Variants in TRPM3 observed in about 807,000 individuals in gnomAD.
The protein encoded by TRPM3 is transient receptor potential cation channel subfamily M member 3.
A neutral mutation model predicts 181.2 loss-of-function variants in TRPM3; 77 were observed. That is an observed-to-expected ratio of 0.42 (90% CI 0.35 to 0.51). The LOEUF (loss-of-function observed/expected upper bound fraction) is 0.51. Among genes scored for constraint, TRPM3 ranks in the 20% least tolerant of loss-of-function variants. TRPM3 has a pLI of 0.01. For missense variants in TRPM3, 1,759 were observed against 2,196.7 expected (o/e 0.80, Z 3.98); for synonymous variants, 745 against 796.4 (o/e 0.94, Z 1.09).
chr9:70,907,911 T>A (rs1300795806), intron 1 of TRPM3, among the ~76,000 whole-genome samples: 1 of 152,240 alleles, frequency 6.6e-6, no homozygotes, highest in Non-Finnish European at 1.5e-5. Flanking sequence ...CTGCCTAGTA[T>A]TCCATTGTGT....
intron 1 of TRPM3, among the ~76,000 whole-genome samples, chr9:71,213,489 A>G (rs984406145): frequency 6.6e-6 from 1 of 152,230 alleles, no homozygotes; most frequent in Admixed American, 6.5e-5. Flanking sequence ...TTGGAATGAT[A>G]TCATAAATAG....
chr9:70,916,457 A>G (rs761248744), intron 1 of TRPM3, among the ~76,000 whole-genome samples: 1 of 152,210 alleles, frequency 6.6e-6, no homozygotes, highest in Non-Finnish European at 1.5e-5. Context: ...AGAGTACAGT[A>G]AGGTATAAAT....
chr9:71,127,969 A>C (rs1299327430), intron 1 of TRPM3, among the ~76,000 whole-genome samples: 4 of 152,246 alleles, frequency 2.6e-5, no homozygotes, highest in Admixed American at 6.5e-5. Context: ...AAGAGCTAGA[A>C]AAATATTAGC....
chr9:71,265,533 A>G (rs1380285315), intron 1 of TRPM3, among the ~76,000 whole-genome samples: 1 of 152,224 alleles, frequency 6.6e-6, no homozygotes, highest in Non-Finnish European at 1.5e-5. Context: ...CAAGTCAACC[A>G]AATTAATAGG....
intron 1 of TRPM3, among the ~76,000 whole-genome samples, chr9:70,949,655 T>C (rs1235295456): frequency 6.6e-6 from 1 of 152,030 alleles, no homozygotes; most frequent in Non-Finnish European, 1.5e-5. Flanking sequence ...CCTTCCTCCT[T>C]AGTCTCCCGA....
At chr9:70,971,643 T>C (rs3010434) in intron 1 of TRPM3, among the ~76,000 whole-genome samples, 38,080 of 151,950 alleles carry the variant, frequency 0.25, 5,245 homozygotes, top group African/African-American at 0.35. Flanking sequence ...CTGTGCTCTA[T>C]GAAAAAATGA....
chr9:70,611,197 T>C (rs994448050), intron 18 of TRPM3, among the ~76,000 whole-genome samples: 4 of 152,228 alleles, frequency 2.6e-5, no homozygotes, highest in African/African-American at 9.6e-5. Context: ...CCAGCATACC[T>C]AATTTATCCA....
At chr9:71,161,756 A>C (rs1304567604) in intron 1 of TRPM3, among the ~76,000 whole-genome samples, 1 of 152,190 alleles carries the variant, frequency 6.6e-6, no homozygotes, top group African/African-American at 2.4e-5. Context: ...AGACTTTAAG[A>C]AAGATGCTAC....
At chr9:70,999,575 A>G (rs2097577209) in intron 1 of TRPM3, among the ~76,000 whole-genome samples, 1 of 152,240 alleles carries the variant, frequency 6.6e-6, no homozygotes, top group African/African-American at 2.4e-5. Flanking sequence ...ATTTCTCTGT[A>G]ACGATGCTTC....
In TRPM3 at chr9:70,629,215, C is replaced by CGGGGA. The variant is rs1491529368; in HGVS notation, c.1633-3699_1633-3698insTCCCC. ...GGATAAATGATTCTGTGACCAGTGC[C>CGGGGA]GGGGGGGGGGGGGGCCTGCGTTCTG... On this transcript the variant is annotated intron_variant, in intron 12 of 25. Coordinates refer to ENST00000677713, the MANE Select transcript of TRPM3 (RefSeq NM_001366145.2). 2.0e-4 allele frequency among the ~76,000 whole-genome samples: 2 copies of CGGGGA among 10,162 alleles called. 1 individual carries two copies. The highest frequency in any genetic ancestry group is 5.0e-4 in the Non-Finnish European group (2 of 4,000). 6.7% of individuals were successfully genotyped at this position (10,162 alleles called of 152,430 possible).
chr9:71,427,633 A>G (rs938077841), intron 1 of TRPM3, among the ~76,000 whole-genome samples: 2 of 152,238 alleles, frequency 1.3e-5, no homozygotes, highest in Non-Finnish European at 2.9e-5. Flanking sequence ...GGTGGAGGCC[A>G]TTATCGTATG....
At chr9:71,411,585 C>T (rs553392441) in intron 1 of TRPM3, among the ~76,000 whole-genome samples, 3 of 152,274 alleles carry the variant, frequency 2.0e-5, no homozygotes, top group Non-Finnish European at 4.4e-5. Context: ...CAAACCACTG[C>T]TCAACAAAAT....
chr9:70,900,145 C>A (rs570222572), intron 1 of TRPM3, among the ~76,000 whole-genome samples: 1 of 151,994 alleles, frequency 6.6e-6, no homozygotes, highest in Non-Finnish European at 1.5e-5. Context: ...TATTAGGGGA[C>A]AAGAAATACA....
chr9:70,923,346 T>C (rs940052624), intron 1 of TRPM3, among the ~76,000 whole-genome samples: 1 of 152,086 alleles, frequency 6.6e-6, no homozygotes, highest in South Asian at 2.1e-4. Context: ...GATGGGAGGA[T>C]ATATAGAGAG....
intron 8 of TRPM3, among the ~76,000 whole-genome samples, chr9:70,746,327 T>A (rs1378792354): frequency 6.6e-6 from 1 of 152,116 alleles, no homozygotes; most frequent in Non-Finnish European, 1.5e-5. Flanking sequence ...TGCTTGGTTT[T>A]TATGAGTCTA....
At chr9:71,223,713 A>G (rs2080389329) in intron 1 of TRPM3, among the ~76,000 whole-genome samples, 1 of 152,152 alleles carries the variant, frequency 6.6e-6, no homozygotes, top group Admixed American at 6.5e-5. Flanking sequence ...AGCATTCACT[A>G]CAATCTGACT....
At chr9:70,951,471 A>T (rs935128783) in intron 1 of TRPM3, among the ~76,000 whole-genome samples, 1 of 152,118 alleles carries the variant, frequency 6.6e-6, no homozygotes, top group African/African-American at 2.4e-5. Flanking sequence ...CCTCCCAAGT[A>T]GCTGGGACTA....
At chr9:70,675,072 C>A (rs576287706) in intron 9 of TRPM3, among the ~76,000 whole-genome samples, 1 of 151,908 alleles carries the variant, frequency 6.6e-6, no homozygotes, top group Non-Finnish European at 1.5e-5. Context: ...TTTTGCATTT[C>A]AATTTCAATT....
At chr9:71,419,403 T>A (rs2093691812) in intron 1 of TRPM3, among the ~76,000 whole-genome samples, 1 of 151,946 alleles carries the variant, frequency 6.6e-6, no homozygotes, top group Non-Finnish European at 1.5e-5. Context: ...CATTTTCTAG[T>A]GGCATTTCTG....
Sources: gnomAD v4.1 joint callset for allele counts (sites outside exome capture counted in the v4.1 genomes callset) on GRCh38, gnomAD v4.1.1 for gene constraint, MANE v1.5 for transcripts, NCBI Gene and HGNC (gene_info 2026-07-23, HGNC 2026-07-21) for gene names.